RFPL2: variants seen among roughly 807,000 people sequenced by gnomAD.
RFPL2 encodes the protein ret finger protein-like 2.
RFPL2 carries 13 observed loss-of-function variants against 17.8 expected under a neutral mutation model. The ratio of observed to expected loss-of-function variants is 0.73; its 90% CI spans 0.47 to 1.16. RFPL2 has a LOEUF of 1.16. Ranked by LOEUF, RFPL2 falls within the 50% of genes most tolerant of loss-of-function variation. The pLI, the probability that RFPL2 is intolerant of heterozygous loss-of-function variation, is 0.00. For missense variants in RFPL2, 431 were observed against 479.3 expected, an observed-to-expected ratio of 0.90 and a Z score of 0.94; for synonymous variants, 189 against 180.9, an observed-to-expected ratio of 1.04 and a Z score of -0.36.
intron 1 of RFPL2, 172 bp from the exon 2 acceptor site, chr22:32,202,722 C>T (rs1924070848): frequency 4.1e-6 from 5 of 1,223,138 alleles, no homozygotes; most frequent in Non-Finnish European, 5.1e-6. Context: ...GCAGACACCA[C>T]AGTGCCCGGG....
At position 32,193,179 on chromosome 22, in the gene RFPL2, T is replaced by G; in HGVS notation, c.279A>C (p.Ala93=). The G allele has an allele frequency of 6.2e-7, 1 of 1,613,796 alleles. No homozygotes were observed. Among genetic ancestry groups the G allele is most frequent in the Non-Finnish European group, 8.5e-7 (1 of 1,179,834 alleles). ...GASSRRVDMA[A]LFQEASSCPV... Reference sequence around the variant, plus strand: ...GACAGCTGCTTGCTTCTTGGAAGAGTGCAGCCATGTCCACTGCCAGGGGAA... The same window carrying G: ...GACAGCTGCTTGCTTCTTGGAAGAGGGCAGCCATGTCCACTGCCAGGGGAA... The change falls in exon 4 of 5, where the codon GCA becomes GCC. Residue 93 remains alanine, a synonymous_variant. Coordinates refer to ENST00000652607, the MANE Select transcript of RFPL2 (RefSeq NM_001394555.1).
At position 32,193,108 on chromosome 22, in the gene RFPL2, C is replaced by T. The variant is rs1922883366; in HGVS notation, c.350G>A (p.Gly117Glu). 1 of 1,613,834 alleles carries T rather than the reference C, an allele frequency of 6.2e-7. No homozygotes were observed. Among genetic ancestry groups the T allele is most frequent in the Non-Finnish European group, 8.5e-7 (1 of 1,179,854 alleles). ...YLEKPMSLEC[G>E]CAVCLKCINS... The stretch of plus-strand genomic sequence containing the variant: ...AATGCACTTGAGGCAGACGGCGCAT[C>T]CACACTCCAGGGACATTGGTTTTTC... The change falls in exon 4 of 5, where the codon GGA becomes GAA. Residue 117 changes from glycine (G) to glutamate (E), a missense_variant. Gly to Glu is a moderately conservative substitution (Grantham distance 98). Coordinates refer to ENST00000652607, the MANE Select transcript of RFPL2 (RefSeq NM_001394555.1).
chr22:32,204,092 G>GC (rs201542165), intron 1 of RFPL2, among the ~76,000 whole-genome samples: 2,703 of 144,234 alleles, frequency 0.019, 97 homozygotes, highest in African/African-American at 0.064. Flanking sequence ...AGGCAGTGAA[G>GC]CCCCCCGATA....
intron 4 of RFPL2, among the ~76,000 whole-genome samples, chr22:32,192,462 G>A (rs902745113): frequency 6.6e-6 from 1 of 152,174 alleles, no homozygotes; most frequent in Non-Finnish European, 1.5e-5. Context: ...TTTGTACAAT[G>A]GGTGCCAATA....
At chr22:32,204,462 G>A (rs1234051236) in intron 1 of RFPL2, among the ~76,000 whole-genome samples, 2 of 152,078 alleles carry the variant, frequency 1.3e-5, no homozygotes, top group Non-Finnish European at 2.9e-5. Context: ...TGTAGCCCAC[G>A]ATGGCGCCCT....
At position 32,200,088 on chromosome 22, in the gene RFPL2, G is replaced by A. The variant is rs1190186541; in HGVS notation, c.119+2245C>T. On this transcript the variant is annotated intron_variant, in intron 2 of 4. Transcript: ENST00000652607. ...CACCCAGGGTATGGAAGTCACCAAG[G>A]CCTCCAAACAGAGCAACAAGTACAC... The A allele has an allele frequency of 4.5e-5, 19 of 423,354 alleles. 1 individual carries two copies. In the Admixed American group the frequency reaches 5.6e-4, roughly 13 times the overall value. 26.2% of individuals were successfully genotyped at this position (423,354 alleles called of 1,614,324 possible).
In RFPL2 at chr22:32,191,158, T is replaced by A. The variant is rs745641865; in HGVS notation, c.751A>T (p.Thr251Ser). The change falls in exon 5 of 5, where the codon ACA (threonine) becomes TCA (serine). Residue 251 changes from threonine (T) to serine (S), a missense_variant. Coordinates refer to ENST00000652607, the MANE Select transcript of RFPL2 (RefSeq NM_001394555.1). ...HCWEVDVGTS[T>S]EWDLGVCRES... Reference sequence around the variant, plus strand: ...CTGCAGACTCCCAGGTCCCATTCTGTGCTTGTTCCCACGTCCACCTCCCAG... The same window carrying A: ...CTGCAGACTCCCAGGTCCCATTCTGAGCTTGTTCCCACGTCCACCTCCCAG... 1.9e-6 allele frequency: 3 copies of A among 1,613,930 alleles called. No individual in the cohort carries two copies. The East Asian group carries it at 6.7e-5, about 36-fold the overall frequency.
chr22:32,198,711 C>T (rs1048409623), intron 2 of RFPL2, among the ~76,000 whole-genome samples: 5 of 151,836 alleles, frequency 3.3e-5, no homozygotes, highest in East Asian at 1.9e-4. Flanking sequence ...TGGAGGAGCC[C>T]GGGCCCTGGG....
At position 32,202,358 on chromosome 22, in the gene RFPL2, C is replaced by G. The variant is rs1172590980; in HGVS notation, c.94G>C (p.Asp32His). The G allele has an allele frequency of 6.2e-7, 1 of 1,603,632 alleles. No individual in the cohort carries two copies. The highest frequency in any genetic ancestry group is 2.2e-5 in the East Asian group (1 of 44,650). ...AVLCGHWDFA[D>H]MMVIRSLSLI... ...CTCAGGCTCCTTATCACCATCATGT[C>G]TGCAAAGTCCCAGTGGCCACACAAT... The change falls in exon 2 of 5, where the codon GAC (aspartate) becomes CAC (histidine). Residue 32 changes from aspartate to histidine, a missense_variant. Transcript: ENST00000652607.
chr22:32,202,387 G>T lies in RFPL2; in HGVS notation c.65C>A (p.Ala22Asp). 6.2e-7 allele frequency: 1 copy of T among 1,606,428 alleles called. No homozygotes were observed. The highest frequency in any genetic ancestry group is 8.5e-7 in the Non-Finnish European group (1 of 1,176,606). The change falls in exon 2 of 5, where the codon GCT (alanine) becomes GAT (aspartate). Residue 22 changes from alanine (A) to aspartate (D), a missense_variant. Transcript: ENST00000652607. ...AVSQSRICLC[A>D]VLCGHWDFAD... ...AAAGTCCCAGTGGCCACACAATACA[G>T]CACATAGACAGATCCTGGATTGGGA...
chr22:32,201,700 C>T (rs1923933935), intron 2 of RFPL2, among the ~76,000 whole-genome samples: 1 of 152,188 alleles, frequency 6.6e-6, no homozygotes, highest in South Asian at 2.1e-4. Flanking sequence ...GGTTCTGGGG[C>T]TCCAGCTGCT....
chr22:32,195,701 G>T (rs62239004), intron 2 of RFPL2, among the ~76,000 whole-genome samples: 5 of 151,360 alleles, frequency 3.3e-5, no homozygotes, highest in Admixed American at 6.6e-5. Flanking sequence ...CAGGTAACCC[G>T]CCCGCCTTGG....
chr22:32,196,085 T>A (rs897046760), intron 2 of RFPL2, among the ~76,000 whole-genome samples: 6 of 152,130 alleles, frequency 3.9e-5, no homozygotes, highest in Non-Finnish European at 7.4e-5. Context: ...AGCATTTTTC[T>A]TTTACCTCCC....
Position 32,202,536 on chromosome 22 carries a change from C to T in RFPL2, c.-85G>A. The T allele has an allele frequency of 6.5e-7, 1 of 1,534,758 alleles. No homozygotes were observed. The highest frequency in any genetic ancestry group is 1.2e-5 in the South Asian group (1 of 82,148). On this transcript the variant is annotated 5_prime_UTR_variant, in exon 2 of 5. Coordinates refer to ENST00000652607, the MANE Select transcript of RFPL2 (RefSeq NM_001394555.1). ...TCAGGGCACTGGGCATCCGGGCAGA[C>T]AAAGCCAGAAAAGCCTAGAACAGGA...
chr22:32,193,909 A>T (rs115700159), intron 3 of RFPL2, among the ~76,000 whole-genome samples: 2,768 of 150,114 alleles, frequency 0.018, 74 homozygotes, highest in African/African-American at 0.059. Context: ...GCAGTAGCTC[A>T]CATCTGTAAT....
intron 2 of RFPL2, among the ~76,000 whole-genome samples, chr22:32,199,034 C>T (rs35979470): frequency 0.014 from 2,068 of 152,262 alleles, 30 homozygotes; most frequent in Non-Finnish European, 0.018. Flanking sequence ...CCCTTAAAGC[C>T]GAGACTGGGG....
rs769205307 is a variant in RFPL2, at chr22:32,194,406, G to A, written c.204C>T (p.Ser68=). The change falls in exon 3 of 5, where the codon TCC becomes TCT. Residue 68 remains serine, a synonymous_variant. Transcript: ENST00000652607. ...LTNKRPSCAP[S]PQDLSAQWKQ... ...TCCACTGGGCGCTCAGGTCTTGTGG[G>A]GAAGGGGCACACGAGGGCCTTTTAT... The A allele has an allele frequency of 3.1e-6, 5 of 1,608,744 alleles. No individual in the cohort carries two copies. The East Asian group carries it at 6.7e-5, about 22-fold the overall frequency.
intron 2 of RFPL2, among the ~76,000 whole-genome samples, chr22:32,197,914 A>T (rs551039203): frequency 6.6e-6 from 1 of 152,226 alleles, no homozygotes; most frequent in South Asian, 2.1e-4. Context: ...TGAACATGAG[A>T]CCCTGAGAGG....
rs1890809182 is a variant in RFPL2 at position 32,194,385 on chromosome 22, C to T, written c.225G>A (p.Gln75=). 2 of 1,604,942 alleles carry T rather than the reference C, an allele frequency of 1.2e-6. No individual in the cohort carries two copies. The highest frequency in any genetic ancestry group is 1.4e-5 in the African/African-American group (1 of 74,006). Residue 75 remains glutamine (Q), a synonymous_variant, in exon 3 of 5, where the codon CAG becomes CAA. Coordinates refer to ENST00000652607, the MANE Select transcript of RFPL2 (RefSeq NM_001394555.1). ...CTCCTCTGTCCTCCAGCTGCTTCCA[C>T]TGGGCGCTCAGGTCTTGTGGGGAAG... ...CAPSPQDLSA[Q]WKQLEDRGAS... is the part of the protein sequence containing the mutation.
Sources: gnomAD v4.1 joint callset for allele counts (sites outside exome capture counted in the v4.1 genomes callset) on GRCh38, gnomAD v4.1.1 for gene constraint, MANE v1.5 for transcripts, NCBI Gene and HGNC (gene_info 2026-07-23, HGNC 2026-07-21) for gene names.